ACKR2: variants seen among roughly 807,000 people sequenced by gnomAD.
ACKR2 encodes atypical chemokine receptor 2.
For synonymous variants in ACKR2, 207 were observed against 192.2 expected, an observed-to-expected ratio of 1.08 and a Z score of -0.64; for missense variants, 457 against 477.3, an observed-to-expected ratio of 0.96 and a Z score of 0.40.
At chr3:42,849,174 A>C (rs907925296) in intron 2 of ACKR2, among the ~76,000 whole-genome samples, 2 of 152,180 alleles carry the variant, frequency 1.3e-5, no homozygotes, top group African/African-American at 4.8e-5. Context: ...TTAGATTCTT[A>C]GTCAGTACTG....
At chr3:42,848,714 A>G (rs1225686181) in intron 2 of ACKR2, among the ~76,000 whole-genome samples, 3 of 152,230 alleles carry the variant, frequency 2.0e-5, no homozygotes, top group African/African-American at 7.2e-5. Context: ...GTAGCAAGAT[A>G]CTTACTAATT....
chr3:42,811,765 C>T (rs928221046), intron 1 of ACKR2, among the ~76,000 whole-genome samples: 2 of 152,154 alleles, frequency 1.3e-5, no homozygotes, highest in Non-Finnish European at 2.9e-5. Context: ...GAGAAAACCG[C>T]CCTGTGGCTG....
intron 2 of ACKR2, among the ~76,000 whole-genome samples, chr3:42,828,393 G>A (rs1159517715): frequency 6.6e-6 from 1 of 152,104 alleles, no homozygotes; most frequent in African/African-American, 2.4e-5. Context: ...TTACAGGCGT[G>A]AGCCACCGCG....
intron 2 of ACKR2, among the ~76,000 whole-genome samples, chr3:42,836,483 C>G (rs1031863351): frequency 4.6e-5 from 7 of 152,204 alleles, no homozygotes; most frequent in Non-Finnish European, 1.0e-4. Flanking sequence ...AGACTCCATA[C>G]GGCACCTCTA....
At chr3:42,828,090 A>ATTTTT (rs200255129) in intron 2 of ACKR2, among the ~76,000 whole-genome samples, 29 of 91,894 alleles carry the variant, frequency 3.2e-4, no homozygotes, top group African/African-American at 1.1e-3. Flanking sequence ...ATATATATAT[A>ATTTTT]TATTTTTTTT....
At chr3:42,863,963 C>T (rs956872832) in intron 2 of ACKR2, among the ~76,000 whole-genome samples, 1 of 152,076 alleles carries the variant, frequency 6.6e-6, no homozygotes, top group Non-Finnish European at 1.5e-5. Context: ...ACCTATGTAA[C>T]AAACCTGCAC....
At chr3:42,823,929 A>G (rs1700836018) in intron 2 of ACKR2, among the ~76,000 whole-genome samples, 1 of 152,168 alleles carries the variant, frequency 6.6e-6, no homozygotes, top group Admixed American at 6.5e-5. Flanking sequence ...GTCCCTTCGT[A>G]TCCACAGGGG....
At chr3:42,846,037 A>G (rs13325328) in intron 2 of ACKR2, among the ~76,000 whole-genome samples, 2,352 of 152,136 alleles carry the variant, frequency 0.015, 62 homozygotes, top group African/African-American at 0.053. Context: ...CCAGTGCTGC[A>G]ATTTGGAAAA....
intron 2 of ACKR2, among the ~76,000 whole-genome samples, chr3:42,860,160 AAAGC>A: frequency 7.8e-6 from 1 of 128,126 alleles, no homozygotes; most frequent in Admixed American, 8.1e-5. Flanking sequence ...AAGCAAATGG[AAAGC>A]AAAAAAAAAA....
chr3:42,828,094 T>TATATATATATATA (rs533091556), intron 2 of ACKR2, among the ~76,000 whole-genome samples: 9 of 71,518 alleles, frequency 1.3e-4, no homozygotes, highest in African/African-American at 4.3e-4. Flanking sequence ...ATATATATAT[T>TATATATATATATA]TTTTTTTTTT....
chr3:42,810,712 C>T (rs1474055997), intron 1 of ACKR2, among the ~76,000 whole-genome samples: 1 of 152,184 alleles, frequency 6.6e-6, no homozygotes, highest in Non-Finnish European at 1.5e-5. Context: ...AAATAAAGGC[C>T]CTCGTGCCCC....
At chr3:42,843,051 T>C (rs540632871) in intron 2 of ACKR2, among the ~76,000 whole-genome samples, 1 of 150,202 alleles carries the variant, frequency 6.7e-6, no homozygotes, top group Non-Finnish European at 1.5e-5. Flanking sequence ...TTTATTTATT[T>C]ATTTATTTAT....
rs889448785 is a variant in ACKR2 at position 42,852,626 on chromosome 3, G to A, written c.-37-11840G>A. ...GAAGCTGCAAGGGGACTCCTGCCCTGCTGAGGAATGGACAAGGCCACTCCC... is the reference window on the plus strand; with the variant it reads ...GAAGCTGCAAGGGGACTCCTGCCCTACTGAGGAATGGACAAGGCCACTCCC... On this transcript the variant is annotated intron_variant, in intron 2 of 2. Transcript: ENST00000422265. This position sits in a 1 kb window ranked among gnomAD's most constrained non-coding sequence, Gnocchi z 4.3. Among the ~76,000 whole-genome samples the A allele has an allele frequency of 2.6e-5, 4 of 152,150 alleles. No individual in the cohort carries two copies. Among genetic ancestry groups the A allele is most frequent in the African/African-American group, 9.7e-5 (4 of 41,434 alleles).
intron 2 of ACKR2, among the ~76,000 whole-genome samples, chr3:42,834,215 C>T (rs1222857235): frequency 1.3e-5 from 2 of 152,208 alleles, no homozygotes; most frequent in Non-Finnish European, 2.9e-5. Flanking sequence ...GCCTCGGCCT[C>T]CCAAAGTACC....
At chr3:42,858,656 A>C (rs931956192) in intron 2 of ACKR2, among the ~76,000 whole-genome samples, 1 of 152,072 alleles carries the variant, frequency 6.6e-6, no homozygotes, top group Non-Finnish European at 1.5e-5. Context: ...AAGGGAACAA[A>C]ACTGGATGGA....
intron 2 of ACKR2, among the ~76,000 whole-genome samples, chr3:42,847,180 T>G (rs958653005): frequency 9.2e-5 from 14 of 152,202 alleles, no homozygotes; most frequent in Non-Finnish European, 2.1e-4. Flanking sequence ...TGAATACATA[T>G]ATTGATTTCA....
At chr3:42,820,542 C>T (rs753280772) in intron 2 of ACKR2, among the ~76,000 whole-genome samples, 10 of 145,320 alleles carry the variant, frequency 6.9e-5, no homozygotes, top group East Asian at 4.0e-4. Context: ...GCAGTGAGCC[C>T]AGATCACGCC....
intron 2 of ACKR2, among the ~76,000 whole-genome samples, chr3:42,826,480 G>A (rs373374427): frequency 9.2e-5 from 14 of 151,956 alleles, no homozygotes; most frequent in African/African-American, 3.1e-4. Context: ...GAGAGTTTTG[G>A]TAGTTTATGT....
At chr3:42,820,948 G>A (rs1375389298) in intron 2 of ACKR2, among the ~76,000 whole-genome samples, 2 of 151,486 alleles carry the variant, frequency 1.3e-5, no homozygotes, top group African/African-American at 4.9e-5. Flanking sequence ...GCAGCGGTGC[G>A]ATCTCGGCTC....
Sources: allele counts gnomAD v4.1 joint callset (sites outside exome capture counted in the v4.1 genomes callset), GRCh38; gene constraint gnomAD v4.1.1; non-coding constraint Gnocchi (gnomAD v3.1); transcripts MANE v1.5; gene names NCBI Gene and HGNC (gene_info 2026-07-23, HGNC 2026-07-21).